Variants in TMEM135 observed in about 807,000 individuals in gnomAD.
TMEM135 encodes the protein peroxisomal membrane protein 52.
TMEM135 carries 30 observed loss-of-function variants against 60.3 expected under a neutral mutation model. The observed-to-expected ratio is 0.50, with a 90% confidence interval of 0.37 to 0.68. TMEM135 has a LOEUF of 0.68. TMEM135 is among the 30% of genes least tolerant of loss of function. The probability of loss-of-function intolerance (pLI) is 0.00; values close to 1 mark genes in which losing one functional copy is unlikely to be tolerated. For synonymous variants in TMEM135, 190 were observed against 186.7 expected (o/e 1.02, Z -0.14); for missense variants, 468 against 548.8 (o/e 0.85, Z 1.47).
chr11:87,102,477 G>C (rs970097100), intron 4 of TMEM135, among the ~76,000 whole-genome samples: 2 of 152,104 alleles, frequency 1.3e-5, no homozygotes, highest in East Asian at 1.9e-4. Flanking sequence ...TCCTGCATGT[G>C]GGAATGTAAA....
At chr11:87,077,238 A>G (rs1856892701) in intron 3 of TMEM135, among the ~76,000 whole-genome samples, 1 of 152,256 alleles carries the variant, frequency 6.6e-6, no homozygotes, top group Non-Finnish European at 1.5e-5. Flanking sequence ...GATGCAATGT[A>G]TAACGTTTGG....
chr11:87,328,425 T>G lies in TMEM135; in HGVS notation c.*7092T>G, dbSNP rs4644661. The G allele has an allele frequency of 0.45, 203,748 of 453,788 alleles. 48,226 individuals are homozygous for G. The highest frequency in any genetic ancestry group is 0.52 in the Non-Finnish European group (117,583 of 226,694). 28.1% of individuals were successfully genotyped at this position (453,788 alleles called of 1,614,324 possible). On this transcript the variant is annotated 3_prime_UTR_variant, in exon 15 of 15. Transcript: ENST00000305494. ...TTTGGTTGCATGGATGAATTGTATA[T>G]TGGTGAAGTCTGAAATTTTAGTGCA...
chr11:87,214,985 G>A (rs1158984671), intron 5 of TMEM135, among the ~76,000 whole-genome samples: 2 of 152,066 alleles, frequency 1.3e-5, no homozygotes, highest in South Asian at 2.1e-4. Flanking sequence ...GAATGTTTAA[G>A]ATCAATAGAA....
chr11:87,277,421 G>A, intron 6 of TMEM135: 1 of 192,498 alleles, frequency 5.2e-6, no homozygotes, highest in Non-Finnish European at 1.1e-5. Context: ...GTGAGCCACT[G>A]TGCCTGGCCC....
rs1392117197 is a variant in TMEM135 at position 87,126,617 on chromosome 11, G to A, written c.397-30724G>A. Among the ~76,000 whole-genome samples, 3 of 150,370 alleles carry A rather than the reference G, an allele frequency of 2.0e-5. No homozygotes were observed. The East Asian group carries it at 5.8e-4, about 29-fold the overall frequency. On this transcript the variant is annotated intron_variant, in intron 4 of 14. Transcript: ENST00000305494. ...TTTAAAATATATATATATACTATAT[G>A]TACATACTTGCAGGAGAAAAGGACT...
rs1360294610 is a variant in TMEM135 at position 87,051,575 on chromosome 11, G to T, written c.141+13389G>T. On this transcript the variant is annotated intron_variant, in intron 1 of 14. Transcript: ENST00000305494. Reference sequence around the variant, plus strand: ...CTCCCATTCACAATTGCTTCAAAGAGAATAAAATACCTAGGAATCCAACTT... The same window carrying T: ...CTCCCATTCACAATTGCTTCAAAGATAATAAAATACCTAGGAATCCAACTT... Among the ~76,000 whole-genome samples the T allele has an allele frequency of 7.8e-5, 5 of 64,188 alleles. 2 individuals are homozygous for T. Among genetic ancestry groups the T allele is most frequent in the Non-Finnish European group, 1.2e-4 (5 of 40,520 alleles). The allele number at this position is 64,188 out of a possible 152,430, so 42.1% of individuals were successfully genotyped here.
chr11:87,165,932 C>G (rs1187180894), intron 5 of TMEM135, among the ~76,000 whole-genome samples: 1 of 150,710 alleles, frequency 6.6e-6, no homozygotes. Flanking sequence ...CACAGAAATA[C>G]AAACTACCAT....
chr11:87,062,075 G>A (rs139111298), intron 1 of TMEM135, among the ~76,000 whole-genome samples: 10 of 151,964 alleles, frequency 6.6e-5, no homozygotes, highest in African/African-American at 9.6e-5. Context: ...GCACAATCTC[G>A]GCTCACTGCA....
intron 4 of TMEM135, among the ~76,000 whole-genome samples, chr11:87,131,809 G>A (rs910655434): frequency 6.6e-6 from 1 of 152,150 alleles, no homozygotes; most frequent in African/African-American, 2.4e-5. Flanking sequence ...TACAACAGGA[G>A]GTGAATGGCA....
At chr11:87,156,435 G>C (rs763573702) in intron 4 of TMEM135, among the ~76,000 whole-genome samples, 1 of 152,130 alleles carries the variant, frequency 6.6e-6, no homozygotes, top group Non-Finnish European at 1.5e-5. Flanking sequence ...CATTGAATCT[G>C]TCGATCACTT....
intron 6 of TMEM135, chr11:87,259,206 T>C (rs1941593188): frequency 9.9e-6 from 5 of 506,460 alleles, no homozygotes; most frequent in South Asian, 9.8e-5. Flanking sequence ...CTTCTCCACG[T>C]CGCCTTTTGG....
At chr11:87,148,696 CAGGA>C (rs1938477897) in intron 4 of TMEM135, among the ~76,000 whole-genome samples, 1 of 151,858 alleles carries the variant, frequency 6.6e-6, no homozygotes, top group East Asian at 1.9e-4. Context: ...AAAAAAGAAA[CAGGA>C]AGATTGAAGA....
chr11:87,286,584 A>C (rs1200378623), intron 6 of TMEM135, among the ~76,000 whole-genome samples: 1 of 152,136 alleles, frequency 6.6e-6, no homozygotes, highest in African/African-American at 2.4e-5. Flanking sequence ...GGCGCCCGTC[A>C]GAGAGGCTGG....
intron 4 of TMEM135, among the ~76,000 whole-genome samples, chr11:87,099,822 A>G (rs1195425895): frequency 1.3e-5 from 2 of 151,394 alleles, no homozygotes; most frequent in African/African-American, 4.9e-5. Flanking sequence ...AGCTGGGATT[A>G]CAGGTGTGCA....
At position 87,159,196 on chromosome 11, in the gene TMEM135, T is replaced by C. The variant is rs117538670; in HGVS notation, c.462+1790T>C. Among the ~76,000 whole-genome samples the C allele has an allele frequency of 9.2e-3, 1,395 of 152,310 alleles. 18 individuals carry two copies. The highest frequency in any genetic ancestry group is 0.02 in the South Asian group (96 of 4,822). On this transcript the variant is annotated intron_variant, in intron 5 of 14. Transcript: ENST00000305494. The stretch of plus-strand genomic sequence containing the variant: ...TAACAAGTATTAGTGTCAGACAAAG[T>C]GTTTAAGCACTCTCTGACCTTCAGT...
At chr11:87,102,154 C>T (rs1218113231) in intron 4 of TMEM135, among the ~76,000 whole-genome samples, 1 of 152,172 alleles carries the variant, frequency 6.6e-6, no homozygotes, top group Non-Finnish European at 1.5e-5. Flanking sequence ...TCAGATTCCA[C>T]TGGTTGAGGG....
intron 5 of TMEM135, among the ~76,000 whole-genome samples, chr11:87,203,619 C>A (rs1323189418): frequency 6.6e-6 from 1 of 152,178 alleles, no homozygotes; most frequent in South Asian, 2.1e-4. Context: ...TGGAGAACAT[C>A]TCGGTTGCTT....
intron 9 of TMEM135, among the ~76,000 whole-genome samples, chr11:87,307,312 T>C (rs1942566246): frequency 6.6e-6 from 1 of 151,690 alleles, no homozygotes; most frequent in Admixed American, 6.6e-5. Context: ...TTTTGTTTTG[T>C]TCCTCAGTTG....
At chr11:87,129,305 C>T (rs543670449) in intron 4 of TMEM135, among the ~76,000 whole-genome samples, 12 of 105,418 alleles carry the variant, frequency 1.1e-4, no homozygotes, top group Non-Finnish European at 1.9e-4. Flanking sequence ...TGCAGTGGCA[C>T]GATCTCAGCT....
Sources: gnomAD v4.1 joint callset for allele counts (sites outside exome capture counted in the v4.1 genomes callset) on GRCh38, gnomAD v4.1.1 for gene constraint, MANE v1.5 for transcripts, NCBI Gene and HGNC (gene_info 2026-07-23, HGNC 2026-07-21) for gene names.